NUP210: variants seen among roughly 807,000 people sequenced by gnomAD.
NUP210 encodes the protein nuclear pore membrane glycoprotein 210.
NUP210 carries 151 observed loss-of-function variants against 196.0 expected under a neutral mutation model. The ratio of observed to expected loss-of-function variants is 0.77; its 90% CI spans 0.67 to 0.88. The LOEUF is 0.88. Among genes scored for constraint, NUP210 ranks in the 40% least tolerant of loss-of-function variants. The pLI is 0.00. For missense variants in NUP210, 2,314 were observed against 2,493.7 expected (o/e 0.93, Z 1.53); for synonymous variants, 1,070 against 1,052.7 (o/e 1.02, Z -0.32).
Position 13,343,188 on chromosome 3 carries a change from C to T in NUP210, c.2951G>A (p.Arg984His), listed in dbSNP as rs199921179. The change falls in exon 21 of 40, where the codon CGT (arginine) becomes CAT (histidine). Residue 984 changes from arginine (R) to histidine (H), a missense_variant. Arg to His is a conservative substitution (Grantham distance 29). Transcript: ENST00000254508. ...GCTTCCACTGACCTTGTCAACCACA[C>T]GGATGTACAGCTCCTGAATGTCCGA... is the stretch of plus-strand genomic sequence containing the variant. The part of the protein sequence containing the change: ...YVSDIQELYI[R>H]VVDKVEIGKT... 2.8e-5 allele frequency: 45 copies of T among 1,614,038 alleles called. No individual in the cohort carries two copies. The Middle Eastern group carries it at 4.9e-4, about 18-fold the overall frequency.
chr3:13,337,408 C>T (rs1338747190), intron 26 of NUP210, among the ~76,000 whole-genome samples: 1 of 152,238 alleles, frequency 6.6e-6, no homozygotes, highest in African/African-American at 2.4e-5. Context: ...GCCCAGTCCA[C>T]TCCCACTGCT....
chr3:13,381,775 C>T (rs1339460611), intron 6 of NUP210, among the ~76,000 whole-genome samples: 3 of 152,226 alleles, frequency 2.0e-5, no homozygotes, highest in African/African-American at 7.2e-5. Context: ...TCAGGAAGCC[C>T]ACATTCTTCT....
rs181970176 is a variant in NUP210 at position 13,368,663 on chromosome 3, C to T, written c.1787-2572G>A. On this transcript the variant is annotated intron_variant, in intron 13 of 39. Coordinates refer to ENST00000254508, the MANE Select transcript of NUP210 (RefSeq NM_024923.4). ...ATTTTATTACTCTAGGTATCTCATA[C>T]AAGTGGGATCATAGAGTATTTGTCC... Among the ~76,000 whole-genome samples, 177 of 152,342 alleles carry T rather than the reference C, an allele frequency of 1.2e-3. 4 individuals carry two copies. The highest frequency in any genetic ancestry group is 3.2e-3 in the African/African-American group (132 of 41,576).
chr3:13,324,809 C>T (rs995724162), intron 33 of NUP210, among the ~76,000 whole-genome samples: 1 of 152,236 alleles, frequency 6.6e-6, no homozygotes, highest in Non-Finnish European at 1.5e-5. Flanking sequence ...TCTACCCCTT[C>T]ACCCTGGAAC....
At chr3:13,401,667 T>A (rs544304023) in intron 1 of NUP210, among the ~76,000 whole-genome samples, 16 of 152,104 alleles carry the variant, frequency 1.1e-4, no homozygotes, top group African/African-American at 3.9e-4. Flanking sequence ...CGTCCAACCA[T>A]CCAAATGCTG....
At chr3:13,392,128 A>C (rs1699511311) in intron 3 of NUP210, among the ~76,000 whole-genome samples, 1 of 152,230 alleles carries the variant, frequency 6.6e-6, no homozygotes, top group South Asian at 2.1e-4. Context: ...CTCCCAGTAC[A>C]AGGGATCTGG....
intron 1 of NUP210, among the ~76,000 whole-genome samples, chr3:13,409,220 T>C (rs1430108586): frequency 1.3e-5 from 2 of 152,244 alleles, no homozygotes. Context: ...CTGTCTGCTA[T>C]GGTCTGAATG....
intron 14 of NUP210, 25 bp downstream of exon 14, chr3:13,365,921 G>A: frequency 1.2e-6 from 2 of 1,613,410 alleles, no homozygotes; most frequent in Non-Finnish European, 1.7e-6. Context: ...CAGGGGGGTG[G>A]TAAAGGGCAG....
intron 16 of NUP210, among the ~76,000 whole-genome samples, chr3:13,356,659 A>G (rs1490213295): frequency 1.3e-5 from 2 of 152,148 alleles, no homozygotes; most frequent in Non-Finnish European, 1.5e-5. Context: ...AAGAAAAACA[A>G]AAGTTCCCTA....
chr3:13,342,307 G>T (rs773198145), intron 21 of NUP210, among the ~76,000 whole-genome samples, 184 bp from the exon 22 acceptor site: 1 of 152,154 alleles, frequency 6.6e-6, no homozygotes, highest in Non-Finnish European at 1.5e-5. Flanking sequence ...ATGAGGGGGA[G>T]CTTGGGGATA....
chr3:13,359,311 C>T (rs2124890713), intron 15 of NUP210, among the ~76,000 whole-genome samples: 1 of 152,240 alleles, frequency 6.6e-6, no homozygotes, highest in South Asian at 2.1e-4. Flanking sequence ...GAAATATATC[C>T]AACTTAATTC....
At position 13,319,269 on chromosome 3, in the gene NUP210, G is replaced by A. The variant is rs867438247; in HGVS notation, c.5440C>T (p.Leu1814Phe). The A allele has an allele frequency of 9.3e-6, 15 of 1,613,264 alleles. 1 individual carries two copies. The Middle Eastern group carries it at 2.1e-3, about 230-fold the overall frequency. ...LDSYQVMFFT[L>F]FALLAGTAVM... ...GCTGTCCCAGCCAACAGGGCGAAGA[G>A]CGTGAAGAACATGACCTGGTAGGAA... The change falls in exon 38 of 40, where the codon CTC becomes TTC. Residue 1814 changes from leucine (L) to phenylalanine (F), a missense_variant. Physicochemically the swap from Leu to Phe is conservative, Grantham distance 22. Coordinates refer to ENST00000254508, the MANE Select transcript of NUP210 (RefSeq NM_024923.4).
At chr3:13,365,751 C>T (rs543632173) in intron 14 of NUP210, among the ~76,000 whole-genome samples, 195 bp downstream of exon 14, 1 of 152,366 alleles carries the variant, frequency 6.6e-6, no homozygotes, top group East Asian at 1.9e-4. Context: ...TGCCCACAAC[C>T]ACTGCCCCAT....
At chr3:13,404,550 ACTG>A (rs1699940598) in intron 1 of NUP210, among the ~76,000 whole-genome samples, 2 of 152,240 alleles carry the variant, frequency 1.3e-5, no homozygotes, top group Non-Finnish European at 2.9e-5. Context: ...TTAAAGAACT[ACTG>A]CTATGTCCTC....
rs1697177145 is a variant in NUP210 at position 13,335,521 on chromosome 3, G to A, written c.3776C>T (p.Ala1259Val). 2 of 1,614,106 alleles carry A rather than the reference G, an allele frequency of 1.2e-6. No homozygotes were observed. The highest frequency in any genetic ancestry group is 1.7e-6 in the Non-Finnish European group (2 of 1,180,046). The change falls in exon 28 of 40, where the codon GCT becomes GTT. Residue 1259 changes from alanine to valine, a missense_variant. Transcript: ENST00000254508. ...CAGCTGCCCCGATGTGGGGTCCACA[G>A]CCTTGACCACCACCCTCAGCCCGGT... ...GRTGLRVVVK[A>V]VDPTSGQLYG...
chr3:13,318,931 A>C, intron 39 of NUP210, 141 bp downstream of exon 39: 1 of 765,946 alleles, frequency 1.3e-6, no homozygotes, highest in Non-Finnish European at 2.1e-6. Flanking sequence ...TGGCTCCCAC[A>C]TCTGTCCTCT....
chr3:13,414,088 G>A (rs565501102), intron 1 of NUP210, among the ~76,000 whole-genome samples: 1 of 152,370 alleles, frequency 6.6e-6, no homozygotes, highest in South Asian at 2.1e-4. Context: ...CAGGAGGCAG[G>A]CAGGCCATAG....
At chr3:13,358,150 G>C in intron 16 of NUP210, 72 bp downstream of exon 16, 1 of 1,413,108 alleles carries the variant, frequency 7.1e-7, no homozygotes. Context: ...GGGACCATGG[G>C]CGAGGCCACC....
At chr3:13,353,005 G>A (rs1223007440) in intron 18 of NUP210, among the ~76,000 whole-genome samples, 1 of 151,992 alleles carries the variant, frequency 6.6e-6, no homozygotes, top group Non-Finnish European at 1.5e-5. Context: ...TCAGGCAGGA[G>A]GCCGTGACGC....
Sources: allele counts gnomAD v4.1 joint callset (sites outside exome capture counted in the v4.1 genomes callset), GRCh38; gene constraint gnomAD v4.1.1; transcripts MANE v1.5; gene names NCBI Gene and HGNC (gene_info 2026-07-23, HGNC 2026-07-21).